EDEM2: variants seen among roughly 807,000 people sequenced by gnomAD.
EDEM2 encodes the protein ER degradation-enhancing alpha-mannosidase-like protein 2.
A neutral mutation model predicts 64.8 loss-of-function variants in EDEM2; 39 were observed. The ratio of observed to expected loss-of-function variants is 0.60; its 90% CI spans 0.47 to 0.79. EDEM2 has a LOEUF of 0.79. Ranked by LOEUF, EDEM2 falls within the 30% of genes least tolerant of loss-of-function variation. EDEM2 has a pLI of 0.00. For synonymous variants in EDEM2, 296 were observed against 291.5 expected (o/e 1.02, Z -0.16); for missense variants, 609 against 731.3 (o/e 0.83, Z 1.93).
intron 7 of EDEM2, 93 bp downstream of exon 7, chr20:35,131,549 G>C (rs2085505253): frequency 4.7e-6 from 7 of 1,495,766 alleles, no homozygotes; most frequent in African/African-American, 1.4e-5. Context: ...CTGGGAGATG[G>C]AGCAAGACTC....
chr20:35,118,595 T>G lies in EDEM2; in HGVS notation c.1236+3A>C. The G allele has an allele frequency of 6.2e-7, 1 of 1,614,020 alleles. No homozygotes were observed. Among genetic ancestry groups the G allele is most frequent in the South Asian group, 1.1e-5 (1 of 91,078 alleles). On this transcript the variant is annotated splice_donor_region_variant and intron_variant, in intron 10 of 10. Coordinates refer to ENST00000374492, the MANE Select transcript of EDEM2 (RefSeq NM_018217.3). ...CAGTTCTTGGGGCCATGCAAACACT[T>G]ACTGTTGCAAATCCGCACTCCACCT... is the stretch of plus-strand genomic sequence containing the variant.
At chr20:35,133,915 A>G (rs1395494617) in intron 6 of EDEM2, among the ~76,000 whole-genome samples, 3 of 152,190 alleles carry the variant, frequency 2.0e-5, no homozygotes, top group Non-Finnish European at 2.9e-5. Context: ...TGGTATTAAT[A>G]TATTAACGTT....
intron 4 of EDEM2, 71 bp from the exon 5 acceptor site, chr20:35,138,076 G>T: frequency 6.4e-7 from 1 of 1,573,946 alleles, no homozygotes; most frequent in East Asian, 2.2e-5. Context: ...TCTTTCCCCT[G>T]TGCGAGTTAA....
rs2085551942 is a variant in EDEM2 at position 35,134,772 on chromosome 20, A to G, written c.668T>C (p.Met223Thr). 3 of 1,613,838 alleles carry G rather than the reference A, an allele frequency of 1.9e-6. No homozygotes were observed. In the East Asian group the frequency reaches 6.7e-5, roughly 36 times the overall value. Residue 223 changes from methionine (M) to threonine (T), a missense_variant, in exon 6 of 11, where the codon ATG (methionine) becomes ACG (threonine). Met to Thr is a moderately conservative substitution (Grantham distance 81). Transcript: ENST00000374492. ...VFEDVARVAL[M>T]RLWESRSDIG... ...ATCTGACCGGCTCTCCCAGAGGCGCATCAAAGCCACTCTGGCCACATCTTC... is the reference window on the plus strand; with the variant it reads ...ATCTGACCGGCTCTCCCAGAGGCGCGTCAAAGCCACTCTGGCCACATCTTC...
At chr20:35,144,940 G>A (rs2085708791) in intron 3 of EDEM2, 39 bp downstream of exon 3, 1 of 1,608,758 alleles carries the variant, frequency 6.2e-7, no homozygotes, top group Admixed American at 1.7e-5. Context: ...TGTTGGTTAT[G>A]TAACAGTGGA....
chr20:35,122,798 C>G (rs1040642008), intron 9 of EDEM2, among the ~76,000 whole-genome samples: 1 of 152,148 alleles, frequency 6.6e-6, no homozygotes, highest in African/African-American at 2.4e-5. Context: ...CCCTCTACAC[C>G]TCCTACGATA....
chr20:35,144,993 G>T lies in EDEM2; in HGVS notation c.244C>A (p.Leu82Met). The T allele has an allele frequency of 6.2e-7, 1 of 1,614,098 alleles. No individual in the cohort carries two copies. Among genetic ancestry groups the T allele is most frequent in the Non-Finnish European group, 8.5e-7 (1 of 1,179,978 alleles). Residue 82 changes from leucine (L) to methionine (M), a missense_variant, in exon 3 of 11, where the codon CTG (leucine) becomes ATG (methionine). Physicochemically the swap from Leu to Met is conservative, Grantham distance 15. Transcript: ENST00000374492. Reference sequence around the variant, plus strand: ...GAGATACTTACCAGCAAGGTGTCCAGTGCATCAATTAGAGTCAGAGAAAAA... The same window carrying T: ...GAGATACTTACCAGCAAGGTGTCCATTGCATCAATTAGAGTCAGAGAAAAA... ...GSFSLTLIDA[L>M]DTLLILGNVS...
chr20:35,137,584 C>T (rs528577351), intron 5 of EDEM2, among the ~76,000 whole-genome samples: 1 of 152,240 alleles, frequency 6.6e-6, no homozygotes, highest in East Asian at 1.9e-4. Flanking sequence ...TGGAAGGGGA[C>T]AAATGGGCTC....
chr20:35,118,046 C>G (rs1350277297), intron 10 of EDEM2, among the ~76,000 whole-genome samples: 4 of 152,258 alleles, frequency 2.6e-5, no homozygotes, highest in African/African-American at 9.6e-5. Flanking sequence ...GCCACACTGG[C>G]CTTCTGTCTA....
Position 35,137,929 on chromosome 20 carries a change from G to C in EDEM2, c.441C>G (p.Ser147=), listed in dbSNP as rs534786642. The stretch of plus-strand genomic sequence containing the variant: ...CCTCAGCCATTCTCAGGAGAGGCCC[G>C]GAACAGGGCCATCCAGCCTCTACTT... ...GVEVEAGWPC[S]GPLLRMAEEA... Residue 147 remains serine, a synonymous_variant, in exon 5 of 11, where the codon TCC becomes TCG. Coordinates refer to ENST00000374492, the MANE Select transcript of EDEM2 (RefSeq NM_018217.3). 3.7e-6 allele frequency: 6 copies of C among 1,614,182 alleles called. No individual in the cohort carries two copies. The highest frequency in any genetic ancestry group is 2.2e-5 in the East Asian group (1 of 44,888).
At position 35,115,529 on chromosome 20, in the gene EDEM2, C is replaced by A; in HGVS notation, c.1641G>T (p.Lys547Asn). 1 of 1,614,134 alleles carries A rather than the reference C, an allele frequency of 6.2e-7. No individual in the cohort carries two copies. The highest frequency in any genetic ancestry group is 1.1e-5 in the South Asian group (1 of 91,086). Residue 547 changes from lysine (K) to asparagine (N), a missense_variant, in exon 11 of 11, where the codon AAG (lysine) becomes AAT (asparagine). Physicochemically the swap from Lys to Asn is moderately conservative, Grantham distance 94. Coordinates refer to ENST00000374492, the MANE Select transcript of EDEM2 (RefSeq NM_018217.3). The stretch of plus-strand genomic sequence containing the variant: ...GAAGTGGGACCTTCTGTTTGGCAGG[C>A]TTCCTCTCCCTTGCCTGGTCATGGT... ...PENHDQARER[K>N]PAKQKVPLLS...
chr20:35,132,069 A>C (rs922252853), intron 6 of EDEM2, among the ~76,000 whole-genome samples: 1 of 152,204 alleles, frequency 6.6e-6, no homozygotes, highest in Non-Finnish European at 1.5e-5. Flanking sequence ...TCCTGCCTAG[A>C]GTGAGTGTGA....
At position 35,131,707 on chromosome 20, in the gene EDEM2, T is replaced by A; in HGVS notation, c.779A>T (p.Tyr260Phe). Reference sequence around the variant, plus strand: ...GGCTCCTTTCACCAAGTACTCAAAGTAGGAGTCCACGCCAGCCCCGATGCC... The same window carrying A: ...GGCTCCTTTCACCAAGTACTCAAAGAAGGAGTCCACGCCAGCCCCGATGCC... ...DAGIGAGVDS[Y>F]FEYLVKGAIL... is the part of the protein sequence containing the mutation. The change falls in exon 7 of 11, where the codon TAC becomes TTC. Residue 260 changes from tyrosine (Y) to phenylalanine (F), a missense_variant. Transcript: ENST00000374492. 6.2e-7 allele frequency: 1 copy of A among 1,614,198 alleles called. No individual in the cohort carries two copies. Among genetic ancestry groups the A allele is most frequent in the Non-Finnish European group, 8.5e-7 (1 of 1,180,034 alleles).
chr20:35,126,217 T>C (rs1023746724), intron 8 of EDEM2, 34 bp downstream of exon 8: 9 of 1,605,982 alleles, frequency 5.6e-6, no homozygotes, highest in East Asian at 2.2e-5. Context: ...GCCAGACTCA[T>C]AGAAAGATGA....
In EDEM2 at chr20:35,135,673, A is replaced by G. The variant is rs1027697025; in HGVS notation, c.491-724T>C. On this transcript the variant is annotated intron_variant, in intron 5 of 10. Transcript: ENST00000374492. The stretch of plus-strand genomic sequence containing the variant: ...CTCAAAATAATAATAATAATAAACA[A>G]AGCCATTCATAGACTTTAAATAAAG... Among the ~76,000 whole-genome samples the G allele has an allele frequency of 8.9e-5, 13 of 146,228 alleles. No homozygotes were observed. The East Asian group carries it at 2.6e-3, about 29-fold the overall frequency.
At position 35,118,571 on chromosome 20, in the gene EDEM2, A is replaced by T. The variant is rs752892471; in HGVS notation, c.1236+27T>A. 6 of 1,613,626 alleles carry T rather than the reference A, an allele frequency of 3.7e-6. No individual in the cohort carries two copies. In the South Asian group the frequency reaches 6.6e-5, roughly 18 times the overall value. ...TTAGCAGCAAGGGGAGACTCTTCCCAGTTCTTGGGGCCATGCAAACACTTA... is the reference window on the plus strand; with the variant it reads ...TTAGCAGCAAGGGGAGACTCTTCCCTGTTCTTGGGGCCATGCAAACACTTA... On this transcript the variant is annotated intron_variant, in intron 10 of 10. Transcript: ENST00000374492.
At chr20:35,118,259 T>C (rs2085330453) in intron 10 of EDEM2, among the ~76,000 whole-genome samples, 1 of 152,200 alleles carries the variant, frequency 6.6e-6, no homozygotes, top group Non-Finnish European at 1.5e-5. Flanking sequence ...CCTTAAAATC[T>C]ATTTTAGTGT....
At chr20:35,119,833 T>C (rs2085348079) in intron 9 of EDEM2, among the ~76,000 whole-genome samples, 1 of 152,104 alleles carries the variant, frequency 6.6e-6, no homozygotes, top group South Asian at 2.1e-4. Context: ...AAAAAAAATG[T>C]GTTTATTGCT....
chr20:35,120,149 G>A (rs894134703), intron 9 of EDEM2, among the ~76,000 whole-genome samples: 1 of 152,230 alleles, frequency 6.6e-6, no homozygotes, highest in East Asian at 1.9e-4. Flanking sequence ...CTGCAACTCT[G>A]CCTCCTGGGT....
Sources: allele counts gnomAD v4.1 joint callset (sites outside exome capture counted in the v4.1 genomes callset), GRCh38; gene constraint gnomAD v4.1.1; transcripts MANE v1.5; gene names NCBI Gene and HGNC (gene_info 2026-07-23, HGNC 2026-07-21).